The following RC3H2 variants were observed in gnomAD, a reference collection of about 807,000 sequenced individuals.
RC3H2 encodes roquin-2.
A neutral mutation model predicts 133.3 loss-of-function variants in RC3H2; 31 were observed. The observed-to-expected ratio is 0.23, with a 90% CI of 0.17 to 0.31. RC3H2 has a LOEUF of 0.31. Ranked by LOEUF, RC3H2 falls within the 10% of genes least tolerant of loss-of-function variation. RC3H2 has a pLI of 1.00. For missense variants in RC3H2, 1,175 were observed against 1,437.2 expected, an observed-to-expected ratio of 0.82 and a Z score of 2.95; for synonymous variants, 517 against 502.2, an observed-to-expected ratio of 1.03 and a Z score of -0.40.
chr9:122,877,796 T>C (rs1230708632), intron 8 of RC3H2, among the ~76,000 whole-genome samples: 2 of 152,238 alleles, frequency 1.3e-5, no homozygotes, highest in Non-Finnish European at 2.9e-5. Context: ...CTTCTGAAGA[T>C]TATTCGAAAC....
Position 122,845,827 on chromosome 9 carries a change from C to T in RC3H2, c.*3800G>A, listed in dbSNP as rs901592606. On this transcript the variant is annotated 3_prime_UTR_variant, in exon 21 of 21. Coordinates refer to ENST00000357244, the MANE Select transcript of RC3H2 (RefSeq NM_001100588.3). ...TACAGTAAGTGATCCCATCAAGCCT[C>T]TTCATTCACTAAAACAAAAGAAAAG... 3.3e-5 allele frequency: 5 copies of T among 152,166 alleles called. No homozygotes were observed. The highest frequency in any genetic ancestry group is 1.2e-4 in the African/African-American group (5 of 41,444). 9.4% of individuals were successfully genotyped at this position (152,166 alleles called of 1,614,324 possible).
rs376168225 is a variant in RC3H2, at chr9:122,852,259, G to A, written c.3118-823C>T. ...TGAGAAGTGAGGAGACCCTCCGCCC[G>A]GCAGCCGCCCCGTATGAGAAGTGAG... On this transcript the variant is annotated intron_variant, in intron 18 of 20. Transcript: ENST00000357244. Among the ~76,000 whole-genome samples the A allele has an allele frequency of 7.9e-4, 117 of 148,216 alleles. 2 individuals are homozygous for A. In the East Asian group the frequency reaches 0.01, roughly 13 times the overall value.
chr9:122,883,777 T>C (rs1296012015), intron 4 of RC3H2, among the ~76,000 whole-genome samples: 1 of 151,630 alleles, frequency 6.6e-6, no homozygotes, highest in Non-Finnish European at 1.5e-5. Flanking sequence ...AGCCCAGGAG[T>C]TTGAGACCAG....
intron 10 of RC3H2, among the ~76,000 whole-genome samples, chr9:122,861,500 A>G (rs536129338): frequency 0.032 from 593 of 18,436 alleles, 11 homozygotes; most frequent in African/African-American, 0.059. Flanking sequence ...CAAAAAAAAA[A>G]AAAAAAAAAG....
chr9:122,860,125 A>G lies in RC3H2; in HGVS notation c.1641T>C (p.Ile547=). The G allele has an allele frequency of 6.2e-7, 1 of 1,613,394 alleles. No homozygotes were observed. The highest frequency in any genetic ancestry group is 2.2e-5 in the East Asian group (1 of 44,866). Residue 547 remains isoleucine, a synonymous_variant, in exon 11 of 21, where the codon ATT becomes ATC. Coordinates refer to ENST00000357244, the MANE Select transcript of RC3H2 (RefSeq NM_001100588.3). ...PSADSVTENK[I]GSPPKTPVSN... ...TTACAGGAGTCTTGGGTGGAGAACCAATTTTACTGGAGAGAAAATTTAACA... is the reference window on the plus strand; with the variant it reads ...TTACAGGAGTCTTGGGTGGAGAACCGATTTTACTGGAGAGAAAATTTAACA...
intron 10 of RC3H2, among the ~76,000 whole-genome samples, chr9:122,861,650 T>C (rs1248422652): frequency 6.6e-6 from 1 of 152,188 alleles, no homozygotes; most frequent in Non-Finnish European, 1.5e-5. Context: ...GAAAATGATC[T>C]TGTTAATTAT....
chr9:122,888,316 T>C (rs1423078568), intron 4 of RC3H2, among the ~76,000 whole-genome samples: 1 of 152,202 alleles, frequency 6.6e-6, no homozygotes, highest in Admixed American at 6.5e-5. Context: ...TTTTAGGTAT[T>C]ATTTTGATCA....
At chr9:122,868,600 G>A (rs375190526) in intron 9 of RC3H2, among the ~76,000 whole-genome samples, 44 of 152,020 alleles carry the variant, frequency 2.9e-4, no homozygotes, top group Admixed American at 2.0e-3. Context: ...GGACACAAAC[G>A]CTGCGGAAGG....
chr9:122,874,254 G>C (rs996298949), intron 9 of RC3H2: 1 of 152,092 alleles, frequency 6.6e-6, no homozygotes, highest in Non-Finnish European at 1.5e-5. Context: ...TGGCAGAGTA[G>C]AGCTAGAGGA....
At chr9:122,879,576 T>C (rs1014022506) in intron 8 of RC3H2, among the ~76,000 whole-genome samples, 179 bp downstream of exon 8, 2 of 152,208 alleles carry the variant, frequency 1.3e-5, no homozygotes, top group Non-Finnish European at 2.9e-5. Flanking sequence ...TCTAAACTCT[T>C]GGTGTGCTAT....
intron 1 of RC3H2, among the ~76,000 whole-genome samples, chr9:122,902,711 G>A (rs1397613589): frequency 6.6e-6 from 1 of 151,942 alleles, no homozygotes; most frequent in African/African-American, 2.4e-5. Flanking sequence ...AATTAGCCTG[G>A]TGTAGTGGTG....
intron 10 of RC3H2, 124 bp from the exon 11 acceptor site, chr9:122,860,255 C>T (rs1348373316): frequency 2.9e-6 from 2 of 691,162 alleles, no homozygotes; most frequent in Non-Finnish European, 4.9e-6. Flanking sequence ...GACATTGCCA[C>T]ATTGACAAAT....
intron 13 of RC3H2, among the ~76,000 whole-genome samples, chr9:122,857,561 C>T (rs1307873918): frequency 1.3e-5 from 2 of 152,078 alleles, no homozygotes; most frequent in African/African-American, 2.4e-5. Context: ...AAATACCTGC[C>T]CCCTAAGGTT....
chr9:122,881,399 A>G (rs1465524817), intron 5 of RC3H2, among the ~76,000 whole-genome samples: 1 of 148,360 alleles, frequency 6.7e-6, no homozygotes, highest in Non-Finnish European at 1.5e-5. Flanking sequence ...CAGAGGTTGC[A>G]GTGAGCTGAG....
At chr9:122,881,189 C>A (rs1831606996) in intron 5 of RC3H2, among the ~76,000 whole-genome samples, 1 of 151,998 alleles carries the variant, frequency 6.6e-6, no homozygotes. Context: ...GTTTCCTGAG[C>A]AAAGAAAGGT....
chr9:122,887,232 G>T (rs571492098), intron 4 of RC3H2, among the ~76,000 whole-genome samples: 4 of 152,250 alleles, frequency 2.6e-5, no homozygotes, highest in Admixed American at 6.5e-5. Context: ...TCAGCTAAAA[G>T]AGGAAACTTT....
chr9:122,870,105 T>G (rs910944378), intron 9 of RC3H2, among the ~76,000 whole-genome samples: 14 of 152,100 alleles, frequency 9.2e-5, no homozygotes, highest in African/African-American at 3.1e-4. Flanking sequence ...CCGGGCATGG[T>G]GGCTCACACC....
chr9:122,895,594 T>G (rs1832384359), intron 2 of RC3H2, among the ~76,000 whole-genome samples: 1 of 152,236 alleles, frequency 6.6e-6, no homozygotes, highest in African/African-American at 2.4e-5. Flanking sequence ...CACTATCAAT[T>G]GTAGATGCAC....
intron 13 of RC3H2, among the ~76,000 whole-genome samples, chr9:122,856,669 A>G (rs1830262544): frequency 6.6e-6 from 1 of 152,242 alleles, no homozygotes; most frequent in Admixed American, 6.5e-5. Context: ...GATAAAGGGG[A>G]AATGAATAAA....
Sources: gnomAD v4.1 joint callset for allele counts (sites outside exome capture counted in the v4.1 genomes callset) on GRCh38, gnomAD v4.1.1 for gene constraint, MANE v1.5 for transcripts, NCBI Gene and HGNC (gene_info 2026-07-23, HGNC 2026-07-21) for gene names.